Variants in COL4A2 observed in about 807,000 individuals in gnomAD.
The protein encoded by COL4A2 is collagen alpha-2(IV) chain.
A neutral mutation model predicts 200.2 loss-of-function variants in COL4A2; 99 were observed. That is an observed-to-expected ratio of 0.49 (90% CI 0.42 to 0.58). The LOEUF is 0.58. Among genes scored for constraint, COL4A2 ranks in the 20% least tolerant of loss-of-function variants. The pLI is 0.00. For synonymous variants in COL4A2, 897 were observed against 900.6 expected (o/e 1.00, Z 0.07); for missense variants, 1,950 against 2,314.1 (o/e 0.84, Z 3.23).
chr13:110,338,731 T>G (rs748793624), intron 3 of COL4A2, among the ~76,000 whole-genome samples: 1 of 152,222 alleles, frequency 6.6e-6, no homozygotes, highest in Non-Finnish European at 1.5e-5. Flanking sequence ...AAGGAAAGAA[T>G]GCCTTGTTTC....
chr13:110,389,576 C>T (rs1042281808), intron 4 of COL4A2, among the ~76,000 whole-genome samples: 1 of 152,182 alleles, frequency 6.6e-6, no homozygotes, highest in African/African-American at 2.4e-5. Flanking sequence ...TCTGTCTTCC[C>T]TATGGTCTAT....
Position 110,481,250 on chromosome 13 carries a change from T to C in COL4A2, c.2758+860T>C, listed in dbSNP as rs61968356. Among the ~76,000 whole-genome samples, 10 of 26,770 alleles carry C rather than the reference T, an allele frequency of 3.7e-4. No homozygotes were observed. In the East Asian group the frequency reaches 5.7e-3, roughly 15 times the overall value. The allele number at this position is 26,770 out of a possible 152,430, so 17.6% of individuals were successfully genotyped here. On this transcript the variant is annotated intron_variant, in intron 31 of 47. Coordinates refer to ENST00000360467, the MANE Select transcript of COL4A2 (RefSeq NM_001846.4). ...TCCTTCCGTTGCTGGAGACACACTG[T>C]TCTGTCCTTCCGTTGCTGGAGACAC...
intron 16 of COL4A2, among the ~76,000 whole-genome samples, chr13:110,441,411 G>T (rs1881118740): frequency 6.6e-6 from 1 of 152,178 alleles, no homozygotes; most frequent in African/African-American, 2.4e-5. Context: ...CACCAATCTT[G>T]ATGACTTCCT....
chr13:110,322,851 T>G (rs1885311586), intron 3 of COL4A2, among the ~76,000 whole-genome samples: 1 of 152,240 alleles, frequency 6.6e-6, no homozygotes, highest in African/African-American at 2.4e-5. Context: ...ATTTAACTCT[T>G]CCACGGGGAC....
chr13:110,385,707 G>A (rs111553747), intron 4 of COL4A2, among the ~76,000 whole-genome samples: 1 of 37,574 alleles, frequency 2.7e-5, no homozygotes. Flanking sequence ...GTGTGGATAG[G>A]CCGTGGTTAC....
intron 29 of COL4A2, among the ~76,000 whole-genome samples, chr13:110,477,357 C>A (rs66941288): frequency 6.6e-6 from 1 of 152,158 alleles, no homozygotes; most frequent in Non-Finnish European, 1.5e-5. Context: ...TCAGTGCTAA[C>A]GCTCAGTGCT....
At chr13:110,425,119 G>A (rs1880424277) in intron 6 of COL4A2, 122 bp downstream of exon 6, 3 of 1,152,316 alleles carry the variant, frequency 2.6e-6, no homozygotes, top group African/African-American at 3.1e-5. Flanking sequence ...AAACACGTGG[G>A]GACTATACGT....
intron 32 of COL4A2, among the ~76,000 whole-genome samples, chr13:110,484,101 A>G (rs1045857071): frequency 4.6e-5 from 7 of 152,088 alleles, no homozygotes; most frequent in Non-Finnish European, 8.8e-5. Context: ...CAGGCAAAAA[A>G]AAAAAATGAC....
At chr13:110,481,591 CG>C (rs1882919207) in intron 31 of COL4A2, among the ~76,000 whole-genome samples, 1 of 139,248 alleles carries the variant, frequency 7.2e-6, no homozygotes, top group Non-Finnish European at 1.5e-5. Flanking sequence ...TCTGTCCCTC[CG>C]TTGCTGGAGA....
intron 3 of COL4A2, among the ~76,000 whole-genome samples, chr13:110,310,718 G>C (rs1024051507): frequency 3.3e-5 from 5 of 152,156 alleles, no homozygotes; most frequent in African/African-American, 9.7e-5. Flanking sequence ...CTGCCGCTGG[G>C]AGCCCTTTGG....
intron 4 of COL4A2, among the ~76,000 whole-genome samples, chr13:110,376,272 G>A (rs895253757): frequency 1.3e-5 from 2 of 152,100 alleles, no homozygotes; most frequent in Admixed American, 6.5e-5. Context: ...ATCTCCACCC[G>A]CTTCACTGTT....
chr13:110,333,912 G>A (rs1876046999), intron 3 of COL4A2, among the ~76,000 whole-genome samples: 1 of 152,210 alleles, frequency 6.6e-6, no homozygotes, highest in South Asian at 2.1e-4. Context: ...AACCCTCTGA[G>A]ATAGGAACTA....
intron 25 of COL4A2, 38 bp from the exon 26 acceptor site, chr13:110,465,965 C>G (rs1882224250): frequency 1.2e-6 from 2 of 1,603,900 alleles, no homozygotes; most frequent in Non-Finnish European, 1.7e-6. Flanking sequence ...TTATCTGTTT[C>G]AAAATTGCCT....
intron 3 of COL4A2, among the ~76,000 whole-genome samples, chr13:110,311,173 G>A (rs4773149): frequency 0.18 from 27,567 of 152,134 alleles, 2,916 homozygotes; most frequent in South Asian, 0.3. Context: ...ATCAGGGGCA[G>A]CAAGTGAAGG....
intron 4 of COL4A2, among the ~76,000 whole-genome samples, chr13:110,386,444 A>G (rs940995060): frequency 6.6e-6 from 1 of 152,138 alleles, no homozygotes; most frequent in African/African-American, 2.4e-5. Context: ...CCCCACTCCA[A>G]TCTCAGCCAT....
rs1006397070 is a variant in COL4A2, at chr13:110,398,607, C to T, written c.181-26127C>T. Reference sequence around the variant, plus strand: ...ACTTGGGAGGCTGAAGCAGGAGAATCGCTTGAACCCAGGAGGTGGAGGTTG... The same window carrying T: ...ACTTGGGAGGCTGAAGCAGGAGAATTGCTTGAACCCAGGAGGTGGAGGTTG... On this transcript the variant is annotated intron_variant, in intron 4 of 47. Coordinates refer to ENST00000360467, the MANE Select transcript of COL4A2 (RefSeq NM_001846.4). Among the ~76,000 whole-genome samples the T allele has an allele frequency of 5.9e-5, 9 of 152,072 alleles. No homozygotes were observed. The East Asian group carries it at 7.7e-4, about 13-fold the overall frequency.
At chr13:110,392,209 T>C (rs1043591050) in intron 4 of COL4A2, among the ~76,000 whole-genome samples, 3 of 152,154 alleles carry the variant, frequency 2.0e-5, no homozygotes, top group Admixed American at 2.0e-4. Context: ...AGAAAACAAG[T>C]CAGTCAGTCA....
chr13:110,442,212 C>G (rs1197507130), intron 16 of COL4A2, among the ~76,000 whole-genome samples: 1 of 151,956 alleles, frequency 6.6e-6, no homozygotes, highest in Non-Finnish European at 1.5e-5. Flanking sequence ...GGGCTGGGGC[C>G]CAGATGTGAG....
chr13:110,418,098 ATC>A (rs1338983210), intron 4 of COL4A2, among the ~76,000 whole-genome samples: 3 of 152,128 alleles, frequency 2.0e-5, no homozygotes, highest in African/African-American at 7.2e-5. Flanking sequence ...TCACAGTTAT[ATC>A]TCTCTGTGGA....
Sources: allele counts gnomAD v4.1 joint callset (sites outside exome capture counted in the v4.1 genomes callset), GRCh38; gene constraint gnomAD v4.1.1; transcripts MANE v1.5; gene names NCBI Gene and HGNC (gene_info 2026-07-23, HGNC 2026-07-21).